Variants in MYO16 observed in about 807,000 individuals in gnomAD.
The protein encoded by MYO16 is myosin XVI, also known as unconventional myosin-XVI.
Under a neutral mutation model 205.3 loss-of-function variants are expected in MYO16, and 94 were observed. That is an observed-to-expected ratio of 0.46 (90% CI 0.39 to 0.54). MYO16 has a LOEUF of 0.54. MYO16 is among the 20% of genes least tolerant of loss of function. The pLI, the probability that MYO16 is intolerant of heterozygous loss-of-function variation, is 0.00. For synonymous variants in MYO16, 988 were observed against 954.0 expected (o/e 1.04, Z -0.66); for missense variants, 2,315 against 2,387.5 (o/e 0.97, Z 0.63).
chr13:109,105,145 C>T (rs1410855168), intron 28 of MYO16, among the ~76,000 whole-genome samples: 1 of 152,208 alleles, frequency 6.6e-6, no homozygotes. Flanking sequence ...CCAAACAATA[C>T]AGTACACTTG....
At chr13:108,577,577 C>G in the MYO16 span, among the ~76,000 whole-genome samples, 1 of 152,230 alleles carries the variant, frequency 6.6e-6, no homozygotes, top group East Asian at 1.9e-4. Flanking sequence ...AGGCCTCACT[C>G]ATGTCCCATT....
intron 4 of MYO16, among the ~76,000 whole-genome samples, chr13:108,773,744 G>C (rs9521032): frequency 0.34 from 50,881 of 151,858 alleles, 9,749 homozygotes; most frequent in East Asian, 0.63. Context: ...AGGTACATAG[G>C]GGTTCTTTGC....
intron 11 of MYO16, among the ~76,000 whole-genome samples, chr13:108,862,320 G>A (rs903430908): frequency 6.6e-6 from 1 of 152,116 alleles, no homozygotes; most frequent in Non-Finnish European, 1.5e-5. Context: ...TGACTTGCAG[G>A]ATTTTGGACT....
intron 22 of MYO16, among the ~76,000 whole-genome samples, chr13:109,014,501 A>C (rs1885734866): frequency 6.6e-6 from 1 of 152,168 alleles, no homozygotes; most frequent in African/African-American, 2.4e-5. Flanking sequence ...AATTCTGTGA[A>C]GAAAGTCATT....
intron 12 of MYO16, among the ~76,000 whole-genome samples, chr13:108,874,921 G>A (rs1035090072): frequency 6.6e-6 from 1 of 152,088 alleles, no homozygotes; most frequent in Non-Finnish European, 1.5e-5. Flanking sequence ...AAAGTTTCTA[G>A]GCTCGCCAGA....
At chr13:109,179,912 A>C (rs1442494378) in intron 34 of MYO16, among the ~76,000 whole-genome samples, 1 of 152,186 alleles carries the variant, frequency 6.6e-6, no homozygotes, top group East Asian at 1.9e-4. Context: ...TGGTACTTTA[A>C]AATTATTCTC....
the MYO16 span, among the ~76,000 whole-genome samples, chr13:108,516,431 G>C: frequency 6.6e-6 from 1 of 152,034 alleles, no homozygotes. Context: ...GAAATCACCC[G>C]TCTTCTGCGT....
intron 20 of MYO16, among the ~76,000 whole-genome samples, chr13:108,981,208 C>A (rs1884437116): frequency 6.6e-6 from 1 of 152,332 alleles, no homozygotes; most frequent in South Asian, 2.1e-4. Context: ...GTATTCCTTT[C>A]TCTCTGGATC....
chr13:108,866,376 G>A lies in MYO16; in HGVS notation c.1425+134G>A, dbSNP rs1181381177. ...TTTAAATTCTGAATTGAATGATTGT[G>A]TAGCAGTGACTTTAATTCATTTTGA... On this transcript the variant is annotated intron_variant, in intron 12 of 34. Coordinates refer to ENST00000457511, the MANE Select transcript of MYO16 (RefSeq NM_001198950.3). The A allele has an allele frequency of 1.8e-5, 9 of 489,904 alleles. No individual in the cohort carries two copies. In the Admixed American group the frequency reaches 3.6e-4, roughly 20 times the overall value. 30.3% of individuals were successfully genotyped at this position (489,904 alleles called of 1,614,324 possible).
intron 21 of MYO16, among the ~76,000 whole-genome samples, chr13:108,997,645 C>T (rs1016736035): frequency 6.6e-6 from 1 of 152,020 alleles, no homozygotes; most frequent in Non-Finnish European, 1.5e-5. Flanking sequence ...TCAAGACCAG[C>T]CTGGCCAACA....
intron 1 of MYO16, among the ~76,000 whole-genome samples, chr13:108,637,031 A>G (rs1428336498): frequency 6.6e-6 from 1 of 152,224 alleles, no homozygotes; most frequent in African/African-American, 2.4e-5. Flanking sequence ...AGATATCCAT[A>G]TCTGTGTCCA....
At chr13:108,907,962 T>C (rs1881073242) in intron 15 of MYO16, among the ~76,000 whole-genome samples, 1 of 152,212 alleles carries the variant, frequency 6.6e-6, no homozygotes, top group African/African-American at 2.4e-5. Context: ...ATTTAAAATG[T>C]CTTTAGGTTT....
At chr13:108,890,598 T>G (rs986293503) in intron 14 of MYO16, among the ~76,000 whole-genome samples, 4 of 152,174 alleles carry the variant, frequency 2.6e-5, no homozygotes, top group Non-Finnish European at 2.9e-5. Flanking sequence ...ATCACAGTTA[T>G]GGGCTTGAAC....
intron 32 of MYO16, among the ~76,000 whole-genome samples, chr13:109,148,979 C>A (rs928794767): frequency 1.3e-5 from 2 of 152,118 alleles, no homozygotes. Flanking sequence ...TATAGCCATG[C>A]ATTTTTGAGG....
At chr13:109,113,684 T>G (rs181249046) in intron 28 of MYO16, among the ~76,000 whole-genome samples, 12 of 151,860 alleles carry the variant, frequency 7.9e-5, no homozygotes, top group Admixed American at 3.3e-4. Flanking sequence ...ATGCTTGGGG[T>G]TCTGGCTTGG....
At chr13:108,589,399 G>A in the MYO16 span, among the ~76,000 whole-genome samples, 1 of 152,014 alleles carries the variant, frequency 6.6e-6, no homozygotes, top group Non-Finnish European at 1.5e-5. Flanking sequence ...TTTCATTAAT[G>A]TGTTTTCCTT....
chr13:109,188,662 C>G (rs1016199801), intron 34 of MYO16, among the ~76,000 whole-genome samples: 3 of 152,138 alleles, frequency 2.0e-5, no homozygotes, highest in African/African-American at 7.2e-5. Context: ...GAAGCCAGTC[C>G]GAGTCCCAAA....
intron 1 of MYO16, among the ~76,000 whole-genome samples, chr13:108,653,109 G>C (rs1290927954): frequency 2.0e-5 from 3 of 152,194 alleles, no homozygotes; most frequent in Non-Finnish European, 2.9e-5. Flanking sequence ...AACCTGTTGT[G>C]GTTTTGACTT....
the MYO16 span, among the ~76,000 whole-genome samples, chr13:108,549,164 C>T: frequency 6.6e-6 from 1 of 152,172 alleles, no homozygotes; most frequent in Non-Finnish European, 1.5e-5. Flanking sequence ...TATTACTTCA[C>T]ATTGCAAAGG....
Sources: gnomAD v4.1 joint callset for allele counts (sites outside exome capture counted in the v4.1 genomes callset) on GRCh38, gnomAD v4.1.1 for gene constraint, MANE v1.5 for transcripts, NCBI Gene and HGNC (gene_info 2026-07-23, HGNC 2026-07-21) for gene names.